FAM221A: variants seen among roughly 807,000 people sequenced by gnomAD.
FAM221A encodes the protein family with sequence similarity 221 member A.
FAM221A carries 43 observed loss-of-function variants against 37.6 expected under a neutral mutation model. That is an observed-to-expected ratio of 1.15 (90% CI 0.90 to 1.48). The LOEUF (loss-of-function observed/expected upper bound fraction) is 1.48, where lower values mean the gene tolerates loss of function less well. FAM221A is among the 40% of genes most tolerant of loss of function. FAM221A has a pLI of 0.00. For missense variants in FAM221A, 361 were observed against 361.5 expected, an observed-to-expected ratio of 1.00 and a Z score of 0.01; for synonymous variants, 135 against 132.9, an observed-to-expected ratio of 1.02 and a Z score of -0.11.
At chr7:23,703,113 T>C (rs539442409), downstream of FAM221A, 135 of 152,366 alleles carry the variant, frequency 8.9e-4, no homozygotes, top group African/African-American at 3.2e-3. Context: ...AGTCCTATCG[T>C]TGAGCTCCAG....
At chr7:23,689,523 C>G in intron 3 of FAM221A, 64 bp downstream of exon 3, 1 of 1,263,752 alleles carries the variant, frequency 7.9e-7, no homozygotes, top group Non-Finnish European at 1.1e-6. Context: ...GAATATTTAA[C>G]GTGCTTTTTT....
intron 5 of FAM221A, among the ~76,000 whole-genome samples, 184 bp downstream of exon 5, chr7:23,698,483 T>G (rs562039185): frequency 3.9e-5 from 6 of 152,332 alleles, no homozygotes; most frequent in South Asian, 2.1e-4. Context: ...TCATTTTGTA[T>G]TGGGAAAAAT....
chr7:23,686,972 A>G (rs1029080764), intron 2 of FAM221A: 3 of 152,084 alleles, frequency 2.0e-5, no homozygotes, highest in African/African-American at 7.2e-5. Flanking sequence ...TTTAGCAGAG[A>G]CGGGATTTCT....
intron 1 of FAM221A, among the ~76,000 whole-genome samples, chr7:23,684,067 T>C (rs1344750782): frequency 6.6e-6 from 1 of 151,644 alleles, no homozygotes; most frequent in African/African-American, 2.4e-5. Context: ...ACTCTGGTCT[T>C]GTCTCCTGCT....
At chr7:23,687,961 T>C (rs907140585) in intron 2 of FAM221A, 11 of 151,922 alleles carry the variant, frequency 7.2e-5, no homozygotes, top group African/African-American at 2.7e-4. Context: ...GTAACACTCT[T>C]GATAGCATTG....
intron 4 of FAM221A, chr7:23,693,792 C>T (rs1041768117): frequency 6.6e-6 from 1 of 152,088 alleles, no homozygotes; most frequent in African/African-American, 2.4e-5. Context: ...ATTCAAGCAC[C>T]ATTCTTGCCC....
Position 23,684,573 on chromosome 7 carries a change from C to A in FAM221A, c.140C>A (p.Pro47His). ...EYEEYKRKVL[P>H]LRLQNRLFVS... is the part of the protein sequence containing the mutation. ...GAAGAATACAAAAGAAAAGTTTTAC[C>A]TCTGCGCTTACAAAACAGATTATTT... Residue 47 changes from proline (P) to histidine (H), a missense_variant, in exon 2 of 7, where the codon CCT (proline) becomes CAT (histidine). Pro to His is a moderately conservative substitution (Grantham distance 77). Transcript: ENST00000344962. The A allele has an allele frequency of 3.7e-6, 6 of 1,613,980 alleles. No individual in the cohort carries two copies. The highest frequency in any genetic ancestry group is 5.1e-6 in the Non-Finnish European group (6 of 1,179,958).
At chr7:23,687,387 G>C (rs1331702566) in intron 2 of FAM221A, 1 of 152,008 alleles carries the variant, frequency 6.6e-6, no homozygotes, top group African/African-American at 2.4e-5. Flanking sequence ...TTGACAAAAG[G>C]GTTTCACTGC....
intron 4 of FAM221A, chr7:23,692,340 C>CT: frequency 2.0e-6 from 1 of 489,926 alleles, no homozygotes; most frequent in Non-Finnish European, 2.6e-6. Context: ...ATTTTCTTTT[C>CT]TTTTCTTTTT....
At chr7:23,698,671 A>G (rs1785214076) in intron 5 of FAM221A, among the ~76,000 whole-genome samples, 2 of 152,350 alleles carry the variant, frequency 1.3e-5, no homozygotes, top group East Asian at 3.9e-4. Flanking sequence ...GCAGGGTTTT[A>G]TCATTTATAA....
chr7:23,691,739 G>T, intron 4 of FAM221A, 143 bp downstream of exon 4: 4 of 769,600 alleles, frequency 5.2e-6, no homozygotes, highest in South Asian at 2.2e-5. Flanking sequence ...TTTTAAAAGA[G>T]GTTTTTAAAA....
chr7:23,686,378 C>T (rs1490150764), intron 2 of FAM221A: 5 of 343,084 alleles, frequency 1.5e-5, no homozygotes, highest in Non-Finnish European at 2.3e-5. Flanking sequence ...ATCCTTCGAC[C>T]TCAGCCTCCC....
chr7:23,701,659 C>T (rs1335832685), intron 6 of FAM221A, among the ~76,000 whole-genome samples: 1 of 152,068 alleles, frequency 6.6e-6, no homozygotes, highest in East Asian at 1.9e-4. Flanking sequence ...GCTTTAACTA[C>T]AATGGAGGAG....
In FAM221A at chr7:23,682,433, A is replaced by T. The variant is rs1431317947; in HGVS notation, c.66-2066A>T. On this transcript the variant is annotated intron_variant, in intron 1 of 6. Coordinates refer to ENST00000344962, the MANE Select transcript of FAM221A (RefSeq NM_199136.5). ...TATATTTATTATTATTATTATTATT[A>T]TTATTATTTTTTTTTTTAGATAGAG... Among the ~76,000 whole-genome samples the T allele has an allele frequency of 1.7e-3, 114 of 67,336 alleles. 3 individuals carry two copies. The East Asian group carries it at 0.018, about 10-fold the overall frequency. 44.2% of individuals were successfully genotyped at this position (67,336 alleles called of 152,430 possible).
chr7:23,701,981 G>T (rs1291793993), intron 6 of FAM221A, 115 bp from the exon 7 acceptor site: 2 of 512,182 alleles, frequency 3.9e-6, no homozygotes, highest in Non-Finnish European at 6.7e-6. Context: ...TTAGTATTTA[G>T]CAGCTTAATA....
intron 4 of FAM221A, among the ~76,000 whole-genome samples, chr7:23,696,757 T>C (rs76237276): frequency 0.019 from 2,889 of 152,134 alleles, 45 homozygotes; most frequent in African/African-American, 0.051. Flanking sequence ...GGAGAGGAAA[T>C]ATAAGATGTT....
In FAM221A at chr7:23,702,500, A is replaced by T. The variant is rs1785519392; in HGVS notation, c.*336A>T. On this transcript the variant is annotated 3_prime_UTR_variant, in exon 7 of 7. Coordinates refer to ENST00000344962, the MANE Select transcript of FAM221A (RefSeq NM_199136.5). ...AAAGATATTATCAAGGGTTTTGGAC[A>T]AACATATGAGCCATTTTTTTGTCAT... 1 of 161,434 alleles carries T rather than the reference A, an allele frequency of 6.2e-6. No individual in the cohort carries two copies. The highest frequency in any genetic ancestry group is 1.3e-5 in the Non-Finnish European group (1 of 74,380). 10.0% of individuals were successfully genotyped at this position (161,434 alleles called of 1,614,324 possible).
At chr7:23,692,753 C>G (rs1033585501) in intron 4 of FAM221A, 1 of 979,990 alleles carries the variant, frequency 1.0e-6, no homozygotes, top group African/African-American at 1.8e-5. Flanking sequence ...TAATTCTTTC[C>G]CCGAGGGTAA....
intron 3 of FAM221A, among the ~76,000 whole-genome samples, chr7:23,691,174 T>C (rs899209608): frequency 1.3e-5 from 2 of 152,042 alleles, no homozygotes; most frequent in Non-Finnish European, 2.9e-5. Flanking sequence ...GTCCTTGTTG[T>C]GTTTTGCAGT....
Sources: gnomAD v4.1 joint callset for allele counts (sites outside exome capture counted in the v4.1 genomes callset) on GRCh38, gnomAD v4.1.1 for gene constraint, MANE v1.5 for transcripts, NCBI Gene and HGNC (gene_info 2026-07-23, HGNC 2026-07-21) for gene names.